NKAIN2: variants seen among roughly 807,000 people sequenced by gnomAD.
The protein encoded by NKAIN2 is sodium/potassium-transporting ATPase subunit beta-1-interacting protein 2.
In NKAIN2, 14 loss-of-function variants were observed where a neutral mutation model predicts 32.6. The ratio of observed to expected loss-of-function variants is 0.43; its 90% confidence interval spans 0.28 to 0.67. NKAIN2 has a LOEUF of 0.67. Among genes scored for constraint, NKAIN2 ranks in the 30% least tolerant of loss-of-function variants. NKAIN2 has a pLI of 0.17. For synonymous variants in NKAIN2, 80 were observed against 87.2 expected (o/e 0.92, Z 0.46); for missense variants, 198 against 258.3 (o/e 0.77, Z 1.60).
chr6:123,979,501 C>T (rs2114660997), intron 1 of NKAIN2, among the ~76,000 whole-genome samples: 1 of 152,260 alleles, frequency 6.6e-6, no homozygotes, highest in African/African-American at 2.4e-5. Context: ...TAAATGAAGT[C>T]AGGGCCCAAA....
At chr6:123,911,644 T>C (rs938560280) in intron 1 of NKAIN2, among the ~76,000 whole-genome samples, 1 of 151,958 alleles carries the variant, frequency 6.6e-6, no homozygotes, top group African/African-American at 2.4e-5. Flanking sequence ...CATGCCATTA[T>C]TTTATATACA....
chr6:124,322,687 A>G (rs1797248104), intron 2 of NKAIN2, among the ~76,000 whole-genome samples: 1 of 152,186 alleles, frequency 6.6e-6, no homozygotes. Flanking sequence ...GTTGGTTCTA[A>G]TTTGAGGCTG....
chr6:123,944,373 A>G (rs146333630), intron 1 of NKAIN2, among the ~76,000 whole-genome samples: 1,553 of 152,148 alleles, frequency 0.01, 18 homozygotes, highest in Middle Eastern at 0.017. Context: ...ACTTTCTCAA[A>G]GGAAACCCTA....
intron 4 of NKAIN2, among the ~76,000 whole-genome samples, chr6:124,764,545 G>T (rs1035390913): frequency 1.3e-5 from 2 of 152,106 alleles, no homozygotes; most frequent in Admixed American, 1.3e-4. Flanking sequence ...GGATAAAAAT[G>T]GTTAAGAATC....
intron 4 of NKAIN2, among the ~76,000 whole-genome samples, chr6:124,691,752 T>G (rs1039933061): frequency 6.6e-6 from 1 of 152,186 alleles, no homozygotes; most frequent in African/African-American, 2.4e-5. Context: ...TCCAAGATTA[T>G]CACCTTACTG....
chr6:124,486,621 C>G (rs588068), intron 3 of NKAIN2, among the ~76,000 whole-genome samples: 82,599 of 151,992 alleles, frequency 0.54, 23,137 homozygotes, highest in East Asian at 0.74. Context: ...CTAGAAATAT[C>G]TGATGTTTTA....
At chr6:123,847,628 A>C (rs898080845) in intron 1 of NKAIN2, among the ~76,000 whole-genome samples, 2 of 152,130 alleles carry the variant, frequency 1.3e-5, no homozygotes, top group African/African-American at 4.8e-5. Context: ...GTTTTGTCTC[A>C]TGAGGATCCC....
chr6:124,104,122 A>G (rs1273228551), intron 1 of NKAIN2, among the ~76,000 whole-genome samples: 1 of 151,986 alleles, frequency 6.6e-6, no homozygotes, highest in Non-Finnish European at 1.5e-5. Context: ...CAGAAGAAAA[A>G]ATTCTGAACC....
Position 124,685,274 on chromosome 6 carries a change from T to C in NKAIN2, c.474+26888T>C, listed in dbSNP as rs2114516233. Among the ~76,000 whole-genome samples, 4 of 152,306 alleles carry C rather than the reference T, an allele frequency of 2.6e-5. No homozygotes were observed. The South Asian group carries it at 8.3e-4, about 32-fold the overall frequency. On this transcript the variant is annotated intron_variant, in intron 4 of 6. Coordinates refer to ENST00000368417, the MANE Select transcript of NKAIN2 (RefSeq NM_001040214.3). The stretch of plus-strand genomic sequence containing the variant: ...AAAATTTTCTACCTATTTTAGTTTC[T>C]GTGAAAAGGTGAACAATTCTACTTT...
intron 3 of NKAIN2, among the ~76,000 whole-genome samples, chr6:124,620,574 C>T (rs1783068979): frequency 6.6e-6 from 1 of 152,086 alleles, no homozygotes; most frequent in Non-Finnish European, 1.5e-5. Flanking sequence ...GAGTATGAGA[C>T]CCAATAAATC....
chr6:124,715,440 C>T (rs1329433151), intron 4 of NKAIN2, among the ~76,000 whole-genome samples: 1 of 152,168 alleles, frequency 6.6e-6, no homozygotes, highest in Non-Finnish European at 1.5e-5. Context: ...TAGAACTAGA[C>T]TTAGCCTTGA....
chr6:124,766,836 A>G (rs1778535090), intron 4 of NKAIN2, among the ~76,000 whole-genome samples: 1 of 152,184 alleles, frequency 6.6e-6, no homozygotes, highest in African/African-American at 2.4e-5. Flanking sequence ...GATGATTGAG[A>G]AGGCTTTTGA....
intron 1 of NKAIN2, among the ~76,000 whole-genome samples, chr6:124,093,818 A>G (rs553773970): frequency 1.3e-5 from 2 of 152,210 alleles, no homozygotes; most frequent in East Asian, 3.9e-4. Context: ...TTTCCACCAC[A>G]CTACCTAGGG....
At chr6:124,533,486 A>AAAAAAAAAAAAAAAAC (rs1779604247) in intron 3 of NKAIN2, among the ~76,000 whole-genome samples, 1 of 150,486 alleles carries the variant, frequency 6.6e-6, no homozygotes, top group Non-Finnish European at 1.5e-5. Flanking sequence ...AAAAAAAAAA[A>AAAAAAAAAAAAAAAAC]AAAAATCCTG....
At chr6:124,438,525 G>C (rs1331807892) in intron 3 of NKAIN2, among the ~76,000 whole-genome samples, 1 of 152,034 alleles carries the variant, frequency 6.6e-6, no homozygotes, top group Non-Finnish European at 1.5e-5. Flanking sequence ...AGAAAAGAAA[G>C]AAGAGAAATC....
At chr6:123,978,691 G>T (rs911909940) in intron 1 of NKAIN2, among the ~76,000 whole-genome samples, 2 of 152,140 alleles carry the variant, frequency 1.3e-5, no homozygotes, top group African/African-American at 4.8e-5. Context: ...GTGTGTGTGT[G>T]TGTATGGGTG....
intron 1 of NKAIN2, among the ~76,000 whole-genome samples, chr6:123,852,279 A>G (rs957593402): frequency 1.4e-3 from 121 of 85,794 alleles, no homozygotes; most frequent in Non-Finnish European, 8.6e-4. Flanking sequence ...TACTTCACAA[A>G]CTTCTTTTTT....
At chr6:124,662,723 T>G (rs1784792599) in intron 4 of NKAIN2, among the ~76,000 whole-genome samples, 1 of 152,242 alleles carries the variant, frequency 6.6e-6, no homozygotes, top group African/African-American at 2.4e-5. Flanking sequence ...CTTGAGGTTG[T>G]GTTGGGAATG....
At chr6:123,842,206 G>A (rs1774900945) in intron 1 of NKAIN2, among the ~76,000 whole-genome samples, 1 of 152,124 alleles carries the variant, frequency 6.6e-6, no homozygotes, top group African/African-American at 2.4e-5. Context: ...TGCTTGGGCT[G>A]CCAAAACAAA....
Sources: allele counts gnomAD v4.1 joint callset (sites outside exome capture counted in the v4.1 genomes callset), GRCh38; gene constraint gnomAD v4.1.1; transcripts MANE v1.5; gene names NCBI Gene and HGNC (gene_info 2026-07-23, HGNC 2026-07-21).